The following USP46 variants were observed in gnomAD, a reference collection of about 807,000 sequenced individuals.
USP46 encodes ubiquitin specific peptidase 46.
In USP46, 12 loss-of-function variants were observed where a neutral mutation model predicts 44.4. The observed-to-expected ratio is 0.27, with a 90% CI of 0.17 to 0.44. The LOEUF is 0.44. Among genes scored for constraint, USP46 ranks in the 20% least tolerant of loss-of-function variants. The pLI is 1.00. For missense variants in USP46, 248 were observed against 444.8 expected, an observed-to-expected ratio of 0.56 and a Z score of 3.98; for synonymous variants, 155 against 161.5, an observed-to-expected ratio of 0.96 and a Z score of 0.31.
At chr4:52,597,771 A>G in intron 8 of USP46, 30 bp from the exon 9 acceptor site, 1 of 1,427,680 alleles carries the variant, frequency 7.0e-7, no homozygotes, top group Non-Finnish European at 9.6e-7. Context: ...AAACAACACA[A>G]TTACTTAACA....
chr4:52,606,616 G>A (rs541725724), intron 5 of USP46, among the ~76,000 whole-genome samples: 27 of 152,200 alleles, frequency 1.8e-4, no homozygotes, highest in African/African-American at 6.5e-4. Flanking sequence ...TTAACACGTG[G>A]GAATTATTAC....
intron 1 of USP46, among the ~76,000 whole-genome samples, chr4:52,643,272 C>G (rs1718420042): frequency 6.6e-6 from 1 of 152,186 alleles, no homozygotes; most frequent in Non-Finnish European, 1.5e-5. Context: ...TGTTCCTCCA[C>G]AGCCCTTAGC....
At chr4:52,619,300 GAA>G (rs552779210) in intron 4 of USP46, among the ~76,000 whole-genome samples, 2 of 135,266 alleles carry the variant, frequency 1.5e-5, no homozygotes, top group Admixed American at 7.4e-5. Flanking sequence ...TGAGACCCAG[GAA>G]AAAAAAAAAA....
rs66817554 is a variant in USP46, at chr4:52,609,898, C to CTT, written c.638+641_638+642dup. ...GGAAACCTAAACCTCAATTCTATTT[C>CTT]TTTTTTTTTTTTTTTTTTTTTTTTT... On this transcript the variant is annotated intron_variant, in intron 5 of 8. Transcript: ENST00000441222. Among the ~76,000 whole-genome samples, 121 of 24,580 alleles carry CTT rather than the reference C, an allele frequency of 4.9e-3. 27 individuals are homozygous for CTT. The highest frequency in any genetic ancestry group is 7.7e-3 in the Non-Finnish European group (94 of 12,200). 16.1% of individuals were successfully genotyped at this position (24,580 alleles called of 152,430 possible). A position where few individuals can be genotyped will look rare whatever the true frequency, so the allele number is the denominator to read the frequency against.
rs1358403873 is a variant in USP46, at chr4:52,659,228, G to T, written c.-78C>A. The stretch of plus-strand genomic sequence containing the variant: ...GGACTGCCCATGGTGGCGCGCTGGC[G>T]GGGAGGCCGGGCGGCAGCGCGGCGG... On this transcript the variant is annotated 5_prime_UTR_variant, in exon 1 of 9. Transcript: ENST00000441222. The surrounding 1 kb of genome is among the most constrained non-coding windows in gnomAD (Gnocchi z 4.2). 28 of 1,447,818 alleles carry T rather than the reference G, an allele frequency of 1.9e-5. No homozygotes were observed. The highest frequency in any genetic ancestry group is 2.5e-5 in the Non-Finnish European group (27 of 1,091,450). 89.7% of individuals were successfully genotyped at this position (1,447,818 alleles called of 1,614,324 possible).
At chr4:52,607,681 T>C (rs1716743470) in intron 5 of USP46, among the ~76,000 whole-genome samples, 1 of 152,162 alleles carries the variant, frequency 6.6e-6, no homozygotes, top group Admixed American at 6.5e-5. Context: ...TTTAGCACCA[T>C]CCTCCTGGTG....
chr4:52,600,712 C>A (rs545404687), intron 7 of USP46, among the ~76,000 whole-genome samples: 1 of 152,128 alleles, frequency 6.6e-6, no homozygotes, highest in South Asian at 2.1e-4. Context: ...CCACTTTAGC[C>A]ACAATGCCCA....
chr4:52,622,695 G>A (rs10002261), intron 4 of USP46, among the ~76,000 whole-genome samples: 1,783 of 152,234 alleles, frequency 0.012, 27 homozygotes, highest in East Asian at 0.049. Context: ...TTAGACTATT[G>A]TAAGATGATA....
At chr4:52,646,283 C>T (rs1022788795) in intron 1 of USP46, among the ~76,000 whole-genome samples, 1 of 152,152 alleles carries the variant, frequency 6.6e-6, no homozygotes, top group African/African-American at 2.4e-5. Flanking sequence ...ACCCGGCCCT[C>T]GGGAACCAGT....
intron 1 of USP46, among the ~76,000 whole-genome samples, chr4:52,635,661 CTCT>C (rs1718086601): frequency 6.6e-6 from 1 of 152,176 alleles, no homozygotes; most frequent in Non-Finnish European, 1.5e-5. Context: ...ATCTCTCCTC[CTCT>C]ATCAGATCCT....
rs1350850152 is a variant in USP46, at chr4:52,596,041, T to C, written c.*1599A>G. On this transcript the variant is annotated 3_prime_UTR_variant, in exon 9 of 9. Coordinates refer to ENST00000441222, the MANE Select transcript of USP46 (RefSeq NM_022832.4). ...CTTCTCCAGTGAAAAGTAAAACATT[T>C]CACTTCAAGCATAAACAAACGAAAT... 1 of 152,670 alleles carries C rather than the reference T, an allele frequency of 6.6e-6. No individual in the cohort carries two copies. The highest frequency in any genetic ancestry group is 1.5e-5 in the Non-Finnish European group (1 of 68,042). The allele number at this position is 152,670 out of a possible 1,614,324, so 9.5% of individuals were successfully genotyped here.
chr4:52,622,804 G>A (rs1392087655), intron 4 of USP46, among the ~76,000 whole-genome samples: 2 of 152,212 alleles, frequency 1.3e-5, no homozygotes, highest in Non-Finnish European at 2.9e-5. Context: ...ACAGGGGCAG[G>A]TGGTGTGCAT....
chr4:52,618,351 A>G (rs1717244982), intron 4 of USP46, among the ~76,000 whole-genome samples: 1 of 152,144 alleles, frequency 6.6e-6, no homozygotes, highest in African/African-American at 2.4e-5. Flanking sequence ...TTAACCAGGC[A>G]TGGTGGCAGG....
At chr4:52,600,289 C>T (rs1315914982) in intron 7 of USP46, among the ~76,000 whole-genome samples, 1 of 152,082 alleles carries the variant, frequency 6.6e-6, no homozygotes, top group African/African-American at 2.4e-5. Context: ...AGGCTATGCA[C>T]CTGCTGCAAC....
chr4:52,616,764 A>T (rs1717167637), intron 4 of USP46, among the ~76,000 whole-genome samples: 1 of 152,208 alleles, frequency 6.6e-6, no homozygotes, highest in Non-Finnish European at 1.5e-5. Flanking sequence ...TTAAAACTGA[A>T]ATCTTACAGA....
rs1716487602 is a variant in USP46, at chr4:52,601,907, C to G, written c.870G>C (p.Val290=). ...LRLFNTSSDA[V]NLDRMYDLVA... is the part of the protein sequence containing the mutation. ...CCAAGTCATACATGCGGTCCAGGTT[C>G]ACTGCATCACTGGAGGTGTTGAAGA... The change falls in exon 7 of 9, where the codon GTG becomes GTC. Residue 290 remains valine, a synonymous_variant. Coordinates refer to ENST00000441222, the MANE Select transcript of USP46 (RefSeq NM_022832.4). 1 of 1,613,860 alleles carries G rather than the reference C, an allele frequency of 6.2e-7. No homozygotes were observed. Among genetic ancestry groups the G allele is most frequent in the African/African-American group, 1.3e-5 (1 of 74,932 alleles).
intron 8 of USP46, 68 bp downstream of exon 8, chr4:52,598,560 T>C (rs777185746): frequency 1.4e-6 from 2 of 1,456,502 alleles, no homozygotes; most frequent in African/African-American, 1.4e-5. Flanking sequence ...AGAAAATGTC[T>C]ATACATACAC....
intron 1 of USP46, among the ~76,000 whole-genome samples, chr4:52,637,687 C>T (rs1283592539): frequency 1.3e-5 from 2 of 152,120 alleles, no homozygotes; most frequent in African/African-American, 2.4e-5. Context: ...TGAATTACAA[C>T]CACATCCTGA....
At chr4:52,630,715 C>A (rs1206438492) in intron 2 of USP46, among the ~76,000 whole-genome samples, 1 of 131,538 alleles carries the variant, frequency 7.6e-6, no homozygotes, top group South Asian at 2.4e-4. Context: ...CCAACCTGAG[C>A]GACAGAGCAA....
Sources: allele counts gnomAD v4.1 joint callset (sites outside exome capture counted in the v4.1 genomes callset), GRCh38; gene constraint gnomAD v4.1.1; non-coding constraint Gnocchi (gnomAD v3.1); transcripts MANE v1.5; gene names NCBI Gene and HGNC (gene_info 2026-07-23, HGNC 2026-07-21).